The following SDK1 variants were observed in gnomAD, a reference collection of about 807,000 sequenced individuals.
SDK1 encodes the protein protein sidekick-1.
A neutral mutation model predicts 245.5 loss-of-function variants in SDK1; 157 were observed. The ratio of observed to expected loss-of-function variants is 0.64; its 90% confidence interval spans 0.56 to 0.73. SDK1 has a LOEUF of 0.73. Ranked by LOEUF, SDK1 falls within the 30% of genes least tolerant of loss-of-function variation. SDK1 has a pLI of 0.00. For missense variants in SDK1, 3,583 were observed against 3,002.3 expected, an observed-to-expected ratio of 1.19 and a Z score of -4.52; for synonymous variants, 1,647 against 1,278.5, an observed-to-expected ratio of 1.29 and a Z score of -6.15.
chr7:4,115,800 G>T (rs542219750), intron 25 of SDK1, among the ~76,000 whole-genome samples: 17 of 152,316 alleles, frequency 1.1e-4, no homozygotes, highest in Admixed American at 5.2e-4. Flanking sequence ...TCCCCCTGTT[G>T]TTGTTTTCAG....
At chr7:3,350,713 C>G (rs578130109) in intron 1 of SDK1, among the ~76,000 whole-genome samples, 1 of 152,264 alleles carries the variant, frequency 6.6e-6, no homozygotes, top group East Asian at 1.9e-4. Context: ...TCTTTTCCTT[C>G]TACAGTCACC....
chr7:3,679,515 C>A (rs921687800), intron 4 of SDK1, among the ~76,000 whole-genome samples: 1 of 151,918 alleles, frequency 6.6e-6, no homozygotes, highest in South Asian at 2.1e-4. Context: ...TGCAGTGAGC[C>A]GAGATCGTGC....
chr7:3,560,762 C>T (rs529534597), intron 1 of SDK1, among the ~76,000 whole-genome samples: 45 of 152,298 alleles, frequency 3.0e-4, no homozygotes, highest in African/African-American at 1.0e-3. Flanking sequence ...TCCTCCTCTC[C>T]TACTACCCCT....
chr7:3,910,765 T>C (rs1583550458), intron 5 of SDK1, among the ~76,000 whole-genome samples: 1 of 152,242 alleles, frequency 6.6e-6, no homozygotes, highest in African/African-American at 2.4e-5. Context: ...CCTTTCTGCC[T>C]GAATGGCTGA....
intron 1 of SDK1, among the ~76,000 whole-genome samples, chr7:3,576,998 T>C (rs1252470699): frequency 6.6e-6 from 1 of 151,994 alleles, no homozygotes; most frequent in Non-Finnish European, 1.5e-5. Context: ...TGGACTTCCA[T>C]CATTTTTCAT....
chr7:4,170,030 A>G (rs755722714), intron 32 of SDK1, among the ~76,000 whole-genome samples: 1 of 152,198 alleles, frequency 6.6e-6, no homozygotes, highest in Non-Finnish European at 1.5e-5. Flanking sequence ...GCCTCTCTTC[A>G]GTCTCACATA....
chr7:4,264,137 C>CCTCTCCTGAGTGAGGGTGGCCGCGTAGAA lies in SDK1; in HGVS notation c.6382-974_6382-946dup, dbSNP rs1562494242. ...CTCCTGAGTGGGGAGGCCGCGTAGA[C>CCTCTCCTGAGTGAGGGTGGCCGCGTAGAA]CTCTCCTGAGTGAGGGTGGCCGCGT... On this transcript the variant is annotated intron_variant, in intron 44 of 44. Transcript: ENST00000404826. Among the ~76,000 whole-genome samples the CCTCTCCTGAGTGAGGGTGGCCGCGTAGAA allele has an allele frequency of 1.6e-3, 110 of 67,500 alleles. 15 individuals carry two copies. Among genetic ancestry groups the CCTCTCCTGAGTGAGGGTGGCCGCGTAGAA allele is most frequent in the East Asian group, 0.012 (10 of 830 alleles). The allele number at this position is 67,500 out of a possible 152,430, so 44.3% of individuals were successfully genotyped here.
chr7:3,347,134 C>T (rs187163207), intron 1 of SDK1, among the ~76,000 whole-genome samples: 4 of 151,792 alleles, frequency 2.6e-5, no homozygotes, highest in African/African-American at 9.7e-5. Flanking sequence ...GCTTTCACTG[C>T]CTCTTGCATC....
intron 1 of SDK1, among the ~76,000 whole-genome samples, chr7:3,519,995 T>C (rs1782881173): frequency 6.6e-6 from 1 of 152,196 alleles, no homozygotes; most frequent in Admixed American, 6.6e-5. Context: ...TGTTTTTCTA[T>C]TTTACAGTGC....
intron 1 of SDK1, among the ~76,000 whole-genome samples, chr7:3,504,204 G>GTGTGTGTGTGTGTGTA (rs1366098273): frequency 6.6e-6 from 1 of 151,150 alleles, no homozygotes; most frequent in Non-Finnish European, 1.5e-5. Flanking sequence ...GTGTGTGTGT[G>GTGTGTGTGTGTGTGTA]TGTGTGTGTA....
At chr7:3,443,682 T>C (rs963911475) in intron 1 of SDK1, among the ~76,000 whole-genome samples, 5 of 152,202 alleles carry the variant, frequency 3.3e-5, no homozygotes, top group Non-Finnish European at 7.3e-5. Context: ...TCATTTGTAA[T>C]TGCGAAGGGG....
At chr7:4,146,108 TCACACCTTCA>T in intron 29 of SDK1, among the ~76,000 whole-genome samples, 192 bp downstream of exon 29, 1 of 143,158 alleles carries the variant, frequency 7.0e-6, no homozygotes, top group African/African-American at 2.5e-5. Context: ...AGCATTGCAT[TCACACCTTCA>T]GCCTCACACC....
At chr7:4,057,511 A>G (rs940675296) in intron 19 of SDK1, among the ~76,000 whole-genome samples, 1 of 152,132 alleles carries the variant, frequency 6.6e-6, no homozygotes, top group East Asian at 1.9e-4. Flanking sequence ...CACCACTGCT[A>G]CTGTCACTGC....
intron 4 of SDK1, among the ~76,000 whole-genome samples, chr7:3,726,934 T>C (rs1779027165): frequency 6.6e-6 from 1 of 152,228 alleles, no homozygotes; most frequent in African/African-American, 2.4e-5. Flanking sequence ...CTTTGCTAGA[T>C]AGATTGGAAA....
chr7:3,416,627 C>A (rs1319479611), intron 1 of SDK1, among the ~76,000 whole-genome samples: 1 of 152,134 alleles, frequency 6.6e-6, no homozygotes, highest in African/African-American at 2.4e-5. Flanking sequence ...CAGCCTTTGC[C>A]TGGACAGGTA....
intron 1 of SDK1, among the ~76,000 whole-genome samples, chr7:3,407,166 A>G (rs772840978): frequency 5.3e-5 from 8 of 152,210 alleles, no homozygotes; most frequent in Non-Finnish European, 1.0e-4. Flanking sequence ...GTCCTTGCAC[A>G]CTGGCTCCTC....
intron 1 of SDK1, among the ~76,000 whole-genome samples, chr7:3,588,739 A>G (rs974693966): frequency 6.6e-6 from 1 of 152,228 alleles, no homozygotes; most frequent in Non-Finnish European, 1.5e-5. Flanking sequence ...TCTCCTTGCT[A>G]TCAGTTCTAG....
chr7:4,158,381 C>T (rs1780902401), intron 30 of SDK1, 67 bp from the exon 31 acceptor site: 15 of 1,332,000 alleles, frequency 1.1e-5, no homozygotes, highest in Admixed American at 1.7e-5. Flanking sequence ...CAGGGCTTCA[C>T]CAGGAATGCC....
chr7:4,198,556 G>A (rs1179622593), intron 35 of SDK1, among the ~76,000 whole-genome samples: 1 of 152,176 alleles, frequency 6.6e-6, no homozygotes, highest in Non-Finnish European at 1.5e-5. Flanking sequence ...TTGGAACACC[G>A]CCACACCCGT....
Sources: allele counts gnomAD v4.1 joint callset (sites outside exome capture counted in the v4.1 genomes callset), GRCh38; gene constraint gnomAD v4.1.1; transcripts MANE v1.5; gene names NCBI Gene and HGNC (gene_info 2026-07-23, HGNC 2026-07-21).